MYO18B: variants seen among roughly 807,000 people sequenced by gnomAD.
The protein encoded by MYO18B is unconventional myosin-XVIIIb.
In MYO18B, 204 loss-of-function variants were observed where a neutral mutation model predicts 273.0. The ratio of observed to expected loss-of-function variants is 0.75; its 90% CI spans 0.67 to 0.84. The LOEUF is 0.84. Among genes scored for constraint, MYO18B ranks in the 40% least tolerant of loss-of-function variants. The pLI, the probability that MYO18B is intolerant of heterozygous loss-of-function variation, is 0.00. For missense variants in MYO18B, 3,212 were observed against 3,287.6 expected (o/e 0.98, Z 0.56); for synonymous variants, 1,330 against 1,305.7 (o/e 1.02, Z -0.40).
At chr22:25,956,746 A>T (rs1281361131) in intron 39 of MYO18B, among the ~76,000 whole-genome samples, 2 of 152,154 alleles carry the variant, frequency 1.3e-5, no homozygotes. Flanking sequence ...GAGACAGCCC[A>T]CAATATGCCA....
chr22:25,869,449 CAAAAAAAA>C (rs58609325), intron 22 of MYO18B, among the ~76,000 whole-genome samples: 1 of 58,120 alleles, frequency 1.7e-5, no homozygotes, highest in Non-Finnish European at 3.0e-5. Flanking sequence ...TACTGTGTCT[CAAAAAAAA>C]AAAAAAAAAA....
At chr22:26,062,934 A>G in the MYO18B span, among the ~76,000 whole-genome samples, 2 of 152,136 alleles carry the variant, frequency 1.3e-5, no homozygotes, top group Non-Finnish European at 2.9e-5. Context: ...TCCATAATTC[A>G]TCTTTCCAAA....
At chr22:25,912,614 C>T (rs1035654652) in intron 33 of MYO18B, among the ~76,000 whole-genome samples, 1 of 152,104 alleles carries the variant, frequency 6.6e-6, no homozygotes, top group Non-Finnish European at 1.5e-5. Flanking sequence ...AAAAGCAGAA[C>T]AAATAATGTA....
At chr22:25,881,887 A>T (rs1045952084) in intron 25 of MYO18B, among the ~76,000 whole-genome samples, 1 of 152,234 alleles carries the variant, frequency 6.6e-6, no homozygotes, top group Non-Finnish European at 1.5e-5. Flanking sequence ...TATGGAAGCC[A>T]GGGGAAGAGG....
Position 25,908,402 on chromosome 22 carries a change from G to A in MYO18B, c.5229G>A (p.Leu1743=). 1 of 1,599,476 alleles carries A rather than the reference G, an allele frequency of 6.3e-7. No individual in the cohort carries two copies. The highest frequency in any genetic ancestry group is 8.5e-7 in the Non-Finnish European group (1 of 1,173,278). ...ACCGTGAGGACCAGGAGGAGGAACT[G>A]GAGGATGTCCGTCAGTCCTGCCAGA... is the stretch of plus-strand genomic sequence containing the variant. ...QKDREDQEEE[L]EDVRQSCQKR... Residue 1743 remains leucine (L), a synonymous_variant, in exon 32 of 44, where the codon CTG becomes CTA. Transcript: ENST00000335473.
intron 34 of MYO18B, among the ~76,000 whole-genome samples, chr22:25,926,804 T>G (rs1332018971): frequency 6.6e-6 from 1 of 152,202 alleles, no homozygotes; most frequent in Non-Finnish European, 1.5e-5. Context: ...TGATAAACTC[T>G]TTTGTTGTGG....
rs1215901468 is a variant in MYO18B, at chr22:25,898,421, C to T, written c.4783C>T (p.Gln1595Ter). ...LEDTCVLLEN[Q>*]QSRNHELEKK... ...GGATACCTGCGTCCTGCTAGAGAAC[C>T]AACAAAGTCGAAACCATGAGCTGGA... Residue 1595 changes from glutamine to a stop codon, truncating the protein, a stop_gained, in exon 29 of 44, where the codon CAA becomes TAA. Coordinates refer to ENST00000335473, the MANE Select transcript of MYO18B (RefSeq NM_032608.7). LOFTEE classifies it high-confidence loss of function. The T allele has an allele frequency of 1.1e-5, 18 of 1,613,908 alleles. No homozygotes were observed. The highest frequency in any genetic ancestry group is 1.5e-5 in the Non-Finnish European group (18 of 1,179,844).
At chr22:25,761,807 T>G (rs1159437302) in intron 2 of MYO18B, among the ~76,000 whole-genome samples, 1 of 152,014 alleles carries the variant, frequency 6.6e-6, no homozygotes, top group African/African-American at 2.4e-5. Flanking sequence ...AAAATGGCAT[T>G]GGAAGCTGCA....
At chr22:25,957,826 A>G (rs951318807) in intron 39 of MYO18B, among the ~76,000 whole-genome samples, 1 of 151,692 alleles carries the variant, frequency 6.6e-6, no homozygotes, top group Non-Finnish European at 1.5e-5. Context: ...TATAAGGACA[A>G]CTGTAATTGG....
chr22:26,020,095 G>A (rs1935690044), intron 42 of MYO18B, among the ~76,000 whole-genome samples: 1 of 152,158 alleles, frequency 6.6e-6, no homozygotes, highest in South Asian at 2.1e-4. Flanking sequence ...CCACTTAGCA[G>A]TATGGCCTTG....
chr22:26,003,453 A>G (rs189159716), intron 41 of MYO18B, 144 bp downstream of exon 41: 14 of 752,884 alleles, frequency 1.9e-5, no homozygotes, highest in Admixed American at 1.8e-4. Context: ...GTCATAACCT[A>G]TAGCACTAGG....
the MYO18B span, among the ~76,000 whole-genome samples, chr22:26,044,312 C>A: frequency 2.0e-5 from 3 of 152,162 alleles, no homozygotes; most frequent in Admixed American, 6.5e-5. Flanking sequence ...GTTTGATGAG[C>A]AGATGTTTTT....
intron 39 of MYO18B, among the ~76,000 whole-genome samples, chr22:25,967,356 A>C (rs1259059018): frequency 2.0e-5 from 3 of 152,254 alleles, no homozygotes; most frequent in African/African-American, 7.2e-5. Flanking sequence ...TTCATGGTAG[A>C]AAGCTTGATC....
rs543553882 is a variant in MYO18B at position 26,028,008 on chromosome 22, C to A, written c.*12+318C>A. ...CCTGTAATCCCAGCACTTTGGGAGG[C>A]CAAGGCGGGTGGATCACCTAAGGTC... On this transcript the variant is annotated intron_variant, in intron 43 of 43. Transcript: ENST00000335473. Among the ~76,000 whole-genome samples the A allele has an allele frequency of 1.3e-3, 193 of 152,194 alleles. 5 individuals carry two copies. In the South Asian group the frequency reaches 0.018, roughly 14 times the overall value.
chr22:25,799,775 G>T (rs541255173), intron 12 of MYO18B, among the ~76,000 whole-genome samples: 1 of 152,316 alleles, frequency 6.6e-6, no homozygotes, highest in Admixed American at 6.5e-5. Flanking sequence ...AAGTCATACT[G>T]AGTCAGGAGT....
intron 34 of MYO18B, among the ~76,000 whole-genome samples, chr22:25,941,020 C>A (rs968082568): frequency 1.3e-5 from 2 of 152,166 alleles, no homozygotes; most frequent in African/African-American, 2.4e-5. Flanking sequence ...ACTTAGTACG[C>A]ACGGAGGAAG....
chr22:26,008,388 C>T (rs960817955), intron 42 of MYO18B, among the ~76,000 whole-genome samples: 2 of 152,166 alleles, frequency 1.3e-5, no homozygotes, highest in African/African-American at 2.4e-5. Flanking sequence ...TATTTATACC[C>T]GCTCCCATAT....
the MYO18B span, among the ~76,000 whole-genome samples, chr22:26,060,844 TAC>T: frequency 9.2e-6 from 1 of 109,048 alleles, no homozygotes; most frequent in African/African-American, 6.6e-5. Flanking sequence ...ATACACAATA[TAC>T]ACATATACAT....
chr22:25,757,605 A>G (rs2086166063), intron 1 of MYO18B, among the ~76,000 whole-genome samples: 1 of 151,772 alleles, frequency 6.6e-6, no homozygotes, highest in African/African-American at 2.4e-5. Context: ...AAAAGCCAAC[A>G]AAAAAATAAA....
Sources: gnomAD v4.1 joint callset for allele counts (sites outside exome capture counted in the v4.1 genomes callset) on GRCh38, gnomAD v4.1.1 for gene constraint, MANE v1.5 for transcripts, NCBI Gene and HGNC (gene_info 2026-07-23, HGNC 2026-07-21) for gene names.